The following CDH2 variants were observed in gnomAD, a reference collection of about 807,000 sequenced individuals.
CDH2 encodes the protein cadherin 2.
Under a neutral mutation model 92.0 loss-of-function variants are expected in CDH2, and 17 were observed. The ratio of observed to expected loss-of-function variants is 0.18; its 90% CI spans 0.13 to 0.28. The LOEUF (loss-of-function observed/expected upper bound fraction) is 0.28. Ranked by LOEUF, CDH2 falls within the 10% of genes least tolerant of loss-of-function variation. The probability of loss-of-function intolerance (pLI) is 1.00; values close to 1 mark genes in which losing one functional copy is unlikely to be tolerated. For synonymous variants in CDH2, 419 were observed against 415.9 expected (o/e 1.01, Z -0.09); for missense variants, 862 against 1,133.1 (o/e 0.76, Z 3.44).
At chr18:28,005,492 T>C (rs118012951) in intron 6 of CDH2, among the ~76,000 whole-genome samples, 3 of 152,306 alleles carry the variant, frequency 2.0e-5, no homozygotes, top group Non-Finnish European at 4.4e-5. Context: ...ACATCTGTAC[T>C]TGATAAACAG....
At chr18:28,089,508 C>T (rs1247596686) in intron 2 of CDH2, among the ~76,000 whole-genome samples, 1 of 152,000 alleles carries the variant, frequency 6.6e-6, no homozygotes, top group Admixed American at 6.6e-5. Flanking sequence ...ATCTAGTTTC[C>T]ATAATCATTT....
chr18:28,166,164 A>ATATATATATATATG, intron 1 of CDH2, among the ~76,000 whole-genome samples: 1 of 138,510 alleles, frequency 7.2e-6, no homozygotes, highest in South Asian at 2.3e-4. Context: ...ATATATATAT[A>ATATATATATATATG]TATATATATG....
intron 2 of CDH2, among the ~76,000 whole-genome samples, chr18:28,036,893 T>C (rs910390331): frequency 2.0e-5 from 3 of 152,174 alleles, no homozygotes; most frequent in African/African-American, 7.2e-5. Context: ...GGAAAAATCT[T>C]TCCCTTTTGG....
At chr18:28,040,955 T>G (rs531736843) in intron 2 of CDH2, among the ~76,000 whole-genome samples, 1 of 152,306 alleles carries the variant, frequency 6.6e-6, no homozygotes, top group Admixed American at 6.5e-5. Context: ...AAAAAATTCC[T>G]GAGTCATAAG....
chr18:28,006,060 A>T (rs2012907439), intron 5 of CDH2, 67 bp from the exon 6 acceptor site: 1 of 1,247,444 alleles, frequency 8.0e-7, no homozygotes, highest in African/African-American at 1.5e-5. Context: ...ATACATCATC[A>T]TAAGGCTACA....
At chr18:28,099,697 C>A (rs1289782916) in intron 2 of CDH2, among the ~76,000 whole-genome samples, 1 of 151,888 alleles carries the variant, frequency 6.6e-6, no homozygotes, top group Non-Finnish European at 1.5e-5. Flanking sequence ...ATTAAATACA[C>A]CTTGATAAGA....
intron 2 of CDH2, among the ~76,000 whole-genome samples, chr18:28,111,277 G>T (rs1001981978): frequency 6.6e-6 from 1 of 152,172 alleles, no homozygotes; most frequent in East Asian, 1.9e-4. Flanking sequence ...GACCTAGACA[G>T]AGATATTTCG....
At chr18:27,934,459 T>G (rs1466341597) in intron 6 of CDH2, among the ~76,000 whole-genome samples, 1 of 152,222 alleles carries the variant, frequency 6.6e-6, no homozygotes, top group Admixed American at 6.5e-5. Context: ...TCTTTGATAC[T>G]GCAGGATTTT....
chr18:28,167,865 A>G (rs1184374589), intron 1 of CDH2, among the ~76,000 whole-genome samples: 1 of 152,164 alleles, frequency 6.6e-6, no homozygotes, highest in African/African-American at 2.4e-5. Context: ...GACACCAAAT[A>G]GACTTTAGCA....
chr18:28,110,869 A>G (rs1427136658), intron 2 of CDH2, among the ~76,000 whole-genome samples: 1 of 152,072 alleles, frequency 6.6e-6, no homozygotes, highest in Non-Finnish European at 1.5e-5. Flanking sequence ...CCAAACCACT[A>G]TTCTCTAAAT....
chr18:28,013,652 C>A, intron 3 of CDH2, 31 bp downstream of exon 3: 1 of 1,510,382 alleles, frequency 6.6e-7, no homozygotes. Context: ...TGATTTTTAA[C>A]CAGCCCTAAA....
At chr18:27,966,754 A>G (rs902062800) in intron 14 of CDH2, among the ~76,000 whole-genome samples, 3 of 152,182 alleles carry the variant, frequency 2.0e-5, no homozygotes, top group Non-Finnish European at 4.4e-5. Flanking sequence ...ACAGTTCTTT[A>G]TCTTTCTTTT....
At chr18:28,076,246 G>T (rs1471649638) in intron 2 of CDH2, among the ~76,000 whole-genome samples, 2 of 152,028 alleles carry the variant, frequency 1.3e-5, no homozygotes, top group Admixed American at 1.3e-4. Flanking sequence ...TATTTTTCTA[G>T]ACTAACATTT....
At chr18:28,147,122 C>T (rs1164191603) in intron 2 of CDH2, among the ~76,000 whole-genome samples, 2 of 152,000 alleles carry the variant, frequency 1.3e-5, no homozygotes, top group Admixed American at 6.6e-5. Flanking sequence ...TTCACATATG[C>T]TACAACTAAA....
At position 28,173,355 on chromosome 18, in the gene CDH2, G is replaced by T. The variant is rs574198390; in HGVS notation, c.60+3608C>A. Among the ~76,000 whole-genome samples, 4 of 152,202 alleles carry T rather than the reference G, an allele frequency of 2.6e-5. No individual in the cohort carries two copies. In the East Asian group the frequency reaches 7.7e-4, roughly 29 times the overall value. On this transcript the variant is annotated intron_variant, in intron 1 of 15. Transcript: ENST00000269141. ...AAAGCAAAGAAATATACATAACTGTGTCTAGTAAGTAAACTCTGAACACCA... is the reference window on the plus strand; with the variant it reads ...AAAGCAAAGAAATATACATAACTGTTTCTAGTAAGTAAACTCTGAACACCA...
intron 2 of CDH2, among the ~76,000 whole-genome samples, chr18:28,040,628 C>T (rs1398575645): frequency 6.6e-6 from 1 of 152,080 alleles, no homozygotes; most frequent in African/African-American, 2.4e-5. Context: ...GCAGAGCAAA[C>T]AATATAAAGT....
At chr18:28,147,880 C>T (rs2016062822) in intron 1 of CDH2, 96 bp from the exon 2 acceptor site, 3 of 679,890 alleles carry the variant, frequency 4.4e-6, no homozygotes, top group Non-Finnish European at 7.6e-6. Context: ...ATTTTTTCAA[C>T]TATCTTGTAC....
chr18:28,058,380 G>A (rs950368013), intron 2 of CDH2, among the ~76,000 whole-genome samples: 2 of 152,128 alleles, frequency 1.3e-5, no homozygotes, highest in Non-Finnish European at 2.9e-5. Flanking sequence ...GGACCATAGA[G>A]TTCTTCTCCC....
At chr18:28,142,237 C>T (rs886863036) in intron 2 of CDH2, among the ~76,000 whole-genome samples, 1 of 151,924 alleles carries the variant, frequency 6.6e-6, no homozygotes, top group African/African-American at 2.4e-5. Context: ...AGATGTGGAG[C>T]TGTGACTTGC....
Sources: gnomAD v4.1 joint callset for allele counts (sites outside exome capture counted in the v4.1 genomes callset) on GRCh38, gnomAD v4.1.1 for gene constraint, MANE v1.5 for transcripts, NCBI Gene and HGNC (gene_info 2026-07-23, HGNC 2026-07-21) for gene names.